CABLES1: variants seen among roughly 807,000 people sequenced by gnomAD.
CABLES1 encodes CDK5 and ABL1 enzyme substrate 1.
In CABLES1, 36 loss-of-function variants were observed where a neutral mutation model predicts 57.8. The ratio of observed to expected loss-of-function variants is 0.62; its 90% CI spans 0.48 to 0.82. The LOEUF is 0.82. CABLES1 is among the 40% of genes least tolerant of loss of function. The probability of loss-of-function intolerance (pLI) is 0.00; values close to 1 mark genes in which losing one functional copy is unlikely to be tolerated. For synonymous variants in CABLES1, 374 were observed against 363.0 expected (o/e 1.03, Z -0.35); for missense variants, 767 against 836.6 (o/e 0.92, Z 1.03).
At chr18:23,241,629 G>A (rs190664835) in intron 7 of CABLES1, among the ~76,000 whole-genome samples, 2 of 152,336 alleles carry the variant, frequency 1.3e-5, no homozygotes. Context: ...TGCCATGAAT[G>A]TTCTTGTGCA....
chr18:23,218,093 C>G (rs1017316926), intron 4 of CABLES1, among the ~76,000 whole-genome samples: 1 of 152,260 alleles, frequency 6.6e-6, no homozygotes, highest in African/African-American at 2.4e-5. Flanking sequence ...TAATGTGCAG[C>G]TCCAACTTCA....
Position 23,260,278 on chromosome 18 carries a change from G to C in CABLES1, c.*2911G>C, listed in dbSNP as rs1041249081. ...GTTTTCCTTGGCATTTTGTTGTTCC[G>C]ATCACAGATTTCCCTGCCAGGGTGT... is the stretch of plus-strand genomic sequence containing the variant. On this transcript the variant is annotated 3_prime_UTR_variant, in exon 10 of 10. Transcript: ENST00000256925. 1 of 152,132 alleles carries C rather than the reference G, an allele frequency of 6.6e-6. No homozygotes were observed. Among genetic ancestry groups the C allele is most frequent in the African/African-American group, 2.4e-5 (1 of 41,412 alleles). 9.4% of individuals were successfully genotyped at this position (152,132 alleles called of 1,614,324 possible).
At chr18:23,208,152 C>G (rs1284830065) in intron 3 of CABLES1, among the ~76,000 whole-genome samples, 6 of 152,200 alleles carry the variant, frequency 3.9e-5, no homozygotes, top group Non-Finnish European at 8.8e-5. Flanking sequence ...GACCCCTTCT[C>G]TTCCCAGCTC....
At chr18:23,213,914 G>A (rs1386382463) in intron 3 of CABLES1, 63 bp from the exon 4 acceptor site, 1 of 1,122,524 alleles carries the variant, frequency 8.9e-7, no homozygotes, top group Non-Finnish European at 1.3e-6. Flanking sequence ...TATAGATTTT[G>A]TTTTTTAGTT....
At chr18:23,190,918 A>G (rs1311988822) in intron 2 of CABLES1, among the ~76,000 whole-genome samples, 1 of 151,912 alleles carries the variant, frequency 6.6e-6, no homozygotes, top group Non-Finnish European at 1.5e-5. Flanking sequence ...TCTACAATCA[A>G]TCAGTCAACA....
chr18:23,253,211 G>A, intron 8 of CABLES1, 145 bp downstream of exon 8: 2 of 605,484 alleles, frequency 3.3e-6, no homozygotes, highest in Non-Finnish European at 6.1e-6. Context: ...AGCCGGGCAT[G>A]GTGGCTCACA....
chr18:23,142,412 C>T (rs1342271946), intron 1 of CABLES1, among the ~76,000 whole-genome samples: 2 of 152,120 alleles, frequency 1.3e-5, no homozygotes, highest in African/African-American at 2.4e-5. Flanking sequence ...ACTACCCTCA[C>T]ACCAAGGACA....
At chr18:23,212,318 C>T (rs1327415269) in intron 3 of CABLES1, among the ~76,000 whole-genome samples, 1 of 152,210 alleles carries the variant, frequency 6.6e-6, no homozygotes. Context: ...TGTACTCTTA[C>T]AGCATTCCAA....
intron 3 of CABLES1, among the ~76,000 whole-genome samples, chr18:23,208,936 T>TA (rs777922793): frequency 3.3e-4 from 50 of 152,216 alleles, no homozygotes; most frequent in Non-Finnish European, 6.3e-4. Flanking sequence ...CATGTGTAGG[T>TA]ATCTCCAAAT....
intron 7 of CABLES1, among the ~76,000 whole-genome samples, chr18:23,248,547 G>C (rs532511723): frequency 1.8e-5 from 2 of 108,824 alleles, no homozygotes; most frequent in African/African-American, 7.6e-5. Context: ...TTAAAAAAAG[G>C]CTGGACGTGG....
At chr18:23,153,678 G>C (rs2046947454) in intron 1 of CABLES1, among the ~76,000 whole-genome samples, 1 of 152,102 alleles carries the variant, frequency 6.6e-6, no homozygotes, top group Admixed American at 6.5e-5. Flanking sequence ...AGGTTGCAGT[G>C]AGCAGAGATC....
At chr18:23,145,605 CTT>C (rs1398468130) in intron 1 of CABLES1, among the ~76,000 whole-genome samples, 1 of 152,184 alleles carries the variant, frequency 6.6e-6, no homozygotes, top group Non-Finnish European at 1.5e-5. Flanking sequence ...AAACACCAAA[CTT>C]TTCACAGATT....
At chr18:23,147,008 G>T (rs1220267375) in intron 1 of CABLES1, among the ~76,000 whole-genome samples, 14 of 152,172 alleles carry the variant, frequency 9.2e-5, no homozygotes, top group Admixed American at 9.2e-4. Flanking sequence ...AAAGTACAAA[G>T]AAATATTGTG....
At chr18:23,204,228 G>A (rs1471228958) in intron 3 of CABLES1, among the ~76,000 whole-genome samples, 1 of 152,194 alleles carries the variant, frequency 6.6e-6, no homozygotes, top group Admixed American at 6.5e-5. Context: ...AGTTCCCGGC[G>A]GTGTGCTGGG....
At chr18:23,243,622 C>T (rs1325013157) in intron 7 of CABLES1, among the ~76,000 whole-genome samples, 1 of 151,740 alleles carries the variant, frequency 6.6e-6, no homozygotes, top group Non-Finnish European at 1.5e-5. Context: ...CCTGTAATCC[C>T]AGCACTTTGG....
At chr18:23,246,089 C>A (rs940798399) in intron 7 of CABLES1, among the ~76,000 whole-genome samples, 11 of 152,202 alleles carry the variant, frequency 7.2e-5, no homozygotes, top group Admixed American at 5.9e-4. Flanking sequence ...AACGGTGTAA[C>A]CCTGTCTCTA....
At chr18:23,169,374 A>ACC (rs2047066584) in intron 1 of CABLES1, among the ~76,000 whole-genome samples, 1 of 152,018 alleles carries the variant, frequency 6.6e-6, no homozygotes, top group South Asian at 2.1e-4. Flanking sequence ...AGATCCAAGA[A>ACC]CCCTCTGTTG....
At chr18:23,220,541 T>C (rs576109420) in intron 4 of CABLES1, among the ~76,000 whole-genome samples, 5 of 152,288 alleles carry the variant, frequency 3.3e-5, no homozygotes, top group African/African-American at 1.2e-4. Flanking sequence ...GAAGCTGGAA[T>C]GCACACTTGA....
At chr18:23,241,846 C>G (rs567310773) in intron 7 of CABLES1, among the ~76,000 whole-genome samples, 3 of 152,294 alleles carry the variant, frequency 2.0e-5, no homozygotes, top group Admixed American at 6.5e-5. Context: ...AGAGGTGAAG[C>G]CTGTCATTTA....
Sources: allele counts gnomAD v4.1 joint callset (sites outside exome capture counted in the v4.1 genomes callset), GRCh38; gene constraint gnomAD v4.1.1; transcripts MANE v1.5; gene names NCBI Gene and HGNC (gene_info 2026-07-23, HGNC 2026-07-21).